The following ADAMTSL2 variants were observed in gnomAD, a reference collection of about 807,000 sequenced individuals.
The protein encoded by ADAMTSL2 is ADAMTS-like protein 2.
ADAMTSL2 carries 55 observed loss-of-function variants against 117.0 expected under a neutral mutation model. The ratio of observed to expected loss-of-function variants is 0.47; its 90% CI spans 0.38 to 0.59. The LOEUF (loss-of-function observed/expected upper bound fraction) is 0.59. ADAMTSL2 is among the 20% of genes least tolerant of loss of function. The pLI is 0.00. For synonymous variants in ADAMTSL2, 572 were observed against 566.4 expected, an observed-to-expected ratio of 1.01 and a Z score of -0.14; for missense variants, 1,182 against 1,354.5, an observed-to-expected ratio of 0.87 and a Z score of 2.00.
intron 13 of ADAMTSL2, 37 bp downstream of exon 13, chr9:133,567,099 A>G: frequency 6.3e-7 from 1 of 1,578,676 alleles, no homozygotes; most frequent in South Asian, 1.1e-5. Flanking sequence ...GGGGGTCGGC[A>G]GGGGGCGTGA....
At chr9:133,564,133 A>G (rs1830847712) in intron 12 of ADAMTSL2, among the ~76,000 whole-genome samples, 1 of 74,390 alleles carries the variant, frequency 1.3e-5, no homozygotes, top group African/African-American at 5.9e-5. Flanking sequence ...AGAGAGAGAG[A>G]GAGAGAGAAA....
At chr9:133,535,064 A>C in intron 1 of ADAMTSL2, 147 bp downstream of exon 1, 6 of 1,279,748 alleles carry the variant, frequency 4.7e-6, no homozygotes, top group Non-Finnish European at 5.9e-6. Context: ...GTCGGGCCGC[A>C]GAGCACGGGG....
At chr9:133,539,960 G>A (rs1207590633) in intron 5 of ADAMTSL2, 87 bp downstream of exon 5, 3 of 1,213,934 alleles carry the variant, frequency 2.5e-6, no homozygotes, top group Non-Finnish European at 3.5e-6. Context: ...AAACTCGACG[G>A]GTGGGCAGGT....
chr9:133,568,507 GC>G, intron 14 of ADAMTSL2, 21 bp downstream of exon 14: 1 of 1,587,106 alleles, frequency 6.3e-7, no homozygotes, highest in Non-Finnish European at 8.6e-7. Context: ...GCGGGAGCAA[GC>G]CGGGGGTCGG....
In ADAMTSL2 at chr9:133,557,669, CG is replaced by C. The variant is rs1217485369; in HGVS notation, c.1649+1743del. Among the ~76,000 whole-genome samples the C allele has an allele frequency of 6.6e-6, 1 of 152,146 alleles. No homozygotes were observed. The highest frequency in any genetic ancestry group is 1.9e-4 in the East Asian group (1 of 5,192). On this transcript the variant is annotated intron_variant, in intron 11 of 18. Coordinates refer to ENST00000651351, the MANE Select transcript of ADAMTSL2 (RefSeq NM_014694.4). The surrounding 1 kb of genome is among the most constrained non-coding windows in gnomAD (Gnocchi z 5.2). ...GCCCTCTTCACCTCCCAGGGCAGTC[CG>C]GGGCATTCCCTGGTATTCCGTGTGT... is the stretch of plus-strand genomic sequence containing the variant.
chr9:133,536,850 G>C, intron 2 of ADAMTSL2, 48 bp downstream of exon 2: 1 of 1,613,142 alleles, frequency 6.2e-7, no homozygotes, highest in Non-Finnish European at 8.5e-7. Context: ...CCCCTACCCA[G>C]GTGCTGTGAT....
chr9:133,549,639 C>T, intron 9 of ADAMTSL2, among the ~76,000 whole-genome samples: 1 of 69,404 alleles, frequency 1.4e-5, no homozygotes, highest in East Asian at 2.4e-4. Flanking sequence ...CCTGCCTCAG[C>T]CTCTCATAGT....
In ADAMTSL2 at chr9:133,555,914, A is replaced by G. The variant is rs1830595522; in HGVS notation, c.1633A>G (p.Arg545Gly). The G allele has an allele frequency of 6.2e-7, 1 of 1,612,014 alleles. No homozygotes were observed. Among genetic ancestry groups the G allele is most frequent in the Non-Finnish European group, 8.5e-7 (1 of 1,179,888 alleles). ...CAGCCTGCTCACCTCGGCCGGGAAC[A>G]GGACTCACAAGGCCAGGTAGGAGGC... ...STSLLTSAGN[R>G]THKARTRPKA... Residue 545 changes from arginine to glycine, a missense_variant, in exon 11 of 19, where the codon AGG becomes GGG. By Grantham distance (125) the Arg-to-Gly change is moderately radical (BLOSUM62 -2). Coordinates refer to ENST00000651351, the MANE Select transcript of ADAMTSL2 (RefSeq NM_014694.4).
chr9:133,539,119 G>A (rs1830128453), intron 4 of ADAMTSL2, among the ~76,000 whole-genome samples: 1 of 152,164 alleles, frequency 6.6e-6, no homozygotes, highest in Non-Finnish European at 1.5e-5. Flanking sequence ...AGGGAGTGAG[G>A]GGCTGGAGGG....
chr9:133,556,228 C>T (rs1398913633), intron 11 of ADAMTSL2, among the ~76,000 whole-genome samples: 2 of 152,246 alleles, frequency 1.3e-5, no homozygotes, highest in African/African-American at 2.4e-5. Flanking sequence ...AGGAAGCTAA[C>T]AGCTCTGAGC....
chr9:133,548,621 C>T lies in ADAMTSL2; in HGVS notation c.939+1408C>T, dbSNP rs533776244. Reference sequence around the variant, plus strand: ...GTTGTGATGCAGTTTCAACGGGCTTCGGCCAGCCCCCTGGGGGTCGCATTA... The same window carrying T: ...GTTGTGATGCAGTTTCAACGGGCTTTGGCCAGCCCCCTGGGGGTCGCATTA... On this transcript the variant is annotated intron_variant, in intron 9 of 18. Coordinates refer to ENST00000651351, the MANE Select transcript of ADAMTSL2 (RefSeq NM_014694.4). Among the ~76,000 whole-genome samples the T allele has an allele frequency of 2.6e-5, 4 of 152,010 alleles. No individual in the cohort carries two copies. In the South Asian group the frequency reaches 8.3e-4, roughly 32 times the overall value.
chr9:133,538,568 GA>G, intron 4 of ADAMTSL2, 144 bp downstream of exon 4: 1 of 925,764 alleles, frequency 1.1e-6, no homozygotes, highest in Non-Finnish European at 1.7e-6. Context: ...GCAGGGTTGA[GA>G]AGGCTGCGGG....
intron 9 of ADAMTSL2, among the ~76,000 whole-genome samples, chr9:133,549,070 C>T (rs535656579): frequency 3.0e-5 from 1 of 33,676 alleles, no homozygotes; most frequent in East Asian, 3.1e-4. Context: ...GGCGGGATCT[C>T]GGCTCACTGC....
In ADAMTSL2 at chr9:133,555,586, C is replaced by T. The variant is rs1402212574; in HGVS notation, c.1305C>T (p.Thr435=). 6.8e-6 allele frequency: 11 copies of T among 1,613,172 alleles called. No homozygotes were observed. Among genetic ancestry groups the T allele is most frequent in the African/African-American group, 5.3e-5 (4 of 75,056 alleles). Residue 435 remains threonine, a synonymous_variant, in exon 11 of 19, where the codon ACC becomes ACT. Transcript: ENST00000651351. Reference sequence around the variant, plus strand: ...GCAACGTCACGGGGACTCCTCTCACCGGGGACAAGGATGACGAAGAGGTTG... The same window carrying T: ...GCAACGTCACGGGGACTCCTCTCACTGGGGACAAGGATGACGAAGAGGTTG... The part of the protein sequence containing the change: ...RDRNVTGTPL[T]GDKDDEEVDT...
chr9:133,569,641 A>G, intron 16 of ADAMTSL2, 63 bp downstream of exon 16: 1 of 1,499,640 alleles, frequency 6.7e-7, no homozygotes, highest in South Asian at 1.2e-5. Flanking sequence ...GCCAGAGAGG[A>G]GAGCCAGATG....
In ADAMTSL2 at chr9:133,558,947, T is replaced by TA. The variant is rs1248869097; in HGVS notation, c.1650-2250dup. 3.3e-5 allele frequency among the ~76,000 whole-genome samples: 5 copies of TA among 152,174 alleles called. No individual in the cohort carries two copies. Among genetic ancestry groups the TA allele is most frequent in the African/African-American group, 1.2e-4 (5 of 41,428 alleles). On this transcript the variant is annotated intron_variant, in intron 11 of 18. Coordinates refer to ENST00000651351, the MANE Select transcript of ADAMTSL2 (RefSeq NM_014694.4). The surrounding 1 kb of genome is among the most constrained non-coding windows in gnomAD (Gnocchi z 4.3). ...AGTGTGTGGGCAGCCCCTCCAGAAATACCTTTGGTGCTTAAAATCCAAAGG... is the reference window on the plus strand; with the variant it reads ...AGTGTGTGGGCAGCCCCTCCAGAAATAACCTTTGGTGCTTAAAATCCAAAGG...
rs780745301 is a variant in ADAMTSL2, at chr9:133,568,247, T to C, written c.1875-26T>C. The C allele has an allele frequency of 2.9e-5, 45 of 1,547,494 alleles. No individual in the cohort carries two copies. The African/African-American group carries it at 4.0e-4, about 14-fold the overall frequency. ...GTCCCGGCTGCCATGGGGGGGATCA[T>C]TGAAGGCCATCCGCTCCCGGGGCAG... On this transcript the variant is annotated intron_variant, in intron 13 of 18. Transcript: ENST00000651351.
chr9:133,567,031 G>A lies in ADAMTSL2; in HGVS notation c.1843G>A (p.Glu615Lys), dbSNP rs1223643234. Residue 615 changes from glutamate (E) to lysine (K), a missense_variant, in exon 13 of 19, where the codon GAG becomes AAG. By Grantham distance (56) the Glu-to-Lys change is moderately conservative (BLOSUM62 1). Around this residue, in one of 3 missense-constraint regions of ADAMTSL2, gnomAD observed 465 missense variants for 565.3 expected, o/e 0.82. Coordinates refer to ENST00000651351, the MANE Select transcript of ADAMTSL2 (RefSeq NM_014694.4). ...DALTRPEPVH[E>K]FCAGRECQPR... ...CCTGACCCGTCCCGAGCCTGTCCAC[G>A]AGTTCTGCGCTGGGAGGGAGTGCCA... The A allele has an allele frequency of 1.2e-6, 2 of 1,610,828 alleles. No homozygotes were observed. Among genetic ancestry groups the A allele is most frequent in the Non-Finnish European group, 1.7e-6 (2 of 1,179,732 alleles).
chr9:133,568,905 G>T, intron 15 of ADAMTSL2, 147 bp downstream of exon 15: 1 of 1,083,324 alleles, frequency 9.2e-7, no homozygotes, highest in Non-Finnish European at 1.4e-6. Context: ...GTTATTATAG[G>T]AATCAAAACT....
Sources: allele counts gnomAD v4.1 joint callset (sites outside exome capture counted in the v4.1 genomes callset), GRCh38; gene constraint gnomAD v4.1.1; regional missense constraint gnomAD v4.1.1; non-coding constraint Gnocchi (gnomAD v3.1); transcripts MANE v1.5; gene names NCBI Gene and HGNC (gene_info 2026-07-23, HGNC 2026-07-21).